BRCA1: variants seen among roughly 807,000 people sequenced by gnomAD.
BRCA1 encodes the protein breast cancer type 1 susceptibility protein.
In BRCA1, 140 loss-of-function variants were observed where a neutral mutation model predicts 173.7. The ratio of observed to expected loss-of-function variants is 0.81; its 90% confidence interval spans 0.70 to 0.93. The LOEUF (loss-of-function observed/expected upper bound fraction) is 0.93, where lower values mean the gene tolerates loss of function less well. Among genes scored for constraint, BRCA1 ranks in the 40% least tolerant of loss-of-function variants. The pLI is 0.00. For synonymous variants in BRCA1, 662 were observed against 756.0 expected (o/e 0.88, Z 2.04); for missense variants, 1,983 against 2,172.5 (o/e 0.91, Z 1.73).
chr17:43,060,844 G>T (rs1258458172), intron 18 of BRCA1, among the ~76,000 whole-genome samples: 1 of 152,074 alleles, frequency 6.6e-6, no homozygotes, highest in South Asian at 2.1e-4. Context: ...ACCAAGCTCT[G>T]GCCGGGCACA....
At chr17:43,154,061 C>A (rs1460285278) in intron 1 of BRCA1, among the ~76,000 whole-genome samples, 1 of 151,876 alleles carries the variant, frequency 6.6e-6, no homozygotes, top group East Asian at 1.9e-4. Flanking sequence ...GTGTCCCATG[C>A]CTGTGGTGCC....
intron 1 of BRCA1, among the ~76,000 whole-genome samples, chr17:43,152,638 A>G (rs2056169469): frequency 2.0e-5 from 3 of 152,086 alleles, no homozygotes; most frequent in Admixed American, 2.0e-4. Flanking sequence ...GCGGATCACA[A>G]GGTTAGGAGA....
intron 1 of BRCA1, chr17:43,163,234 T>G (rs188070489): frequency 6.6e-6 from 1 of 152,248 alleles, no homozygotes; most frequent in African/African-American, 2.4e-5. Context: ...TTTTGAGAGA[T>G]AGGCCACTGG....
intron 1 of BRCA1, among the ~76,000 whole-genome samples, chr17:43,136,703 A>T (rs1169553808): frequency 2.0e-5 from 3 of 152,248 alleles, no homozygotes; most frequent in Non-Finnish European, 4.4e-5. Flanking sequence ...ATCACTGGCC[A>T]TCAGAGACAT....
At chr17:43,057,228 G>A (rs895808286) in intron 18 of BRCA1, 93 bp from the exon 19 acceptor site, 6 of 1,278,444 alleles carry the variant, frequency 4.7e-6, no homozygotes, top group Non-Finnish European at 6.8e-6. Context: ...AAGGCATTCA[G>A]GCCAGGCGCA....
intron 1 of BRCA1, chr17:43,160,630 G>C (rs1597946400): frequency 6.6e-6 from 1 of 152,280 alleles, no homozygotes; most frequent in East Asian, 1.9e-4. Context: ...TCTGCTTGTG[G>C]ATTTCATTTC....
In BRCA1 at chr17:43,051,031, G is replaced by A. The variant is rs780795747; in HGVS notation, c.5332+32C>T. 3.1e-6 allele frequency: 5 copies of A among 1,601,782 alleles called. No homozygotes were observed. Among genetic ancestry groups the A allele is most frequent in the Non-Finnish European group, 3.4e-6 (4 of 1,168,778 alleles). On this transcript the variant is annotated intron_variant, in intron 20 of 22. Coordinates refer to ENST00000357654, the MANE Select transcript of BRCA1 (RefSeq NM_007294.4). ...TCCACTATGTAAGACAAAGGCTGGTGCTGGAACTCTGGGGTTCTCCCAGGC... is the reference window on the plus strand; with the variant it reads ...TCCACTATGTAAGACAAAGGCTGGTACTGGAACTCTGGGGTTCTCCCAGGC...
chr17:43,165,457 C>T (rs144609444), intron 1 of BRCA1, among the ~76,000 whole-genome samples: 1 of 147,272 alleles, frequency 6.8e-6, no homozygotes, highest in Non-Finnish European at 1.5e-5. Flanking sequence ...ATATATTTTA[C>T]TTTTCTTATA....
chr17:43,107,197 T>TG (rs2054832332), intron 3 of BRCA1, among the ~76,000 whole-genome samples: 1 of 151,216 alleles, frequency 6.6e-6, no homozygotes, highest in Non-Finnish European at 1.5e-5. Context: ...CCCGAGCAGC[T>TG]GGGACTACAG....
At chr17:43,115,686 A>G in intron 3 of BRCA1, 40 bp downstream of exon 3, 1 of 1,596,250 alleles carries the variant, frequency 6.3e-7, no homozygotes, top group African/African-American at 1.3e-5. Flanking sequence ...GGACAAAAAC[A>G]AAAGCTAATA....
chr17:43,117,367 T>C (rs2055343264), intron 2 of BRCA1, among the ~76,000 whole-genome samples: 1 of 152,160 alleles, frequency 6.6e-6, no homozygotes, highest in Non-Finnish European at 1.5e-5. Flanking sequence ...ACTTGAATCC[T>C]GGAGGTGGAG....
chr17:43,139,420 G>A (rs1288475184), intron 1 of BRCA1, among the ~76,000 whole-genome samples: 10 of 151,086 alleles, frequency 6.6e-5, no homozygotes, highest in African/African-American at 2.4e-4. Flanking sequence ...CTAGAGGCAC[G>A]ATCTCGGCTC....
chr17:43,045,230 C>T lies in BRCA1; in HGVS notation c.*448G>A. ...CACATAATCGATCCCAAGCACTCTC[C>T]TTCCATTGAAGGGTCTGACTCTCTG... On this transcript the variant is annotated 3_prime_UTR_variant, in exon 23 of 23. Coordinates refer to ENST00000357654, the MANE Select transcript of BRCA1 (RefSeq NM_007294.4). 1 of 539,820 alleles carries T rather than the reference C, an allele frequency of 1.9e-6. No homozygotes were observed. The highest frequency in any genetic ancestry group is 3.9e-5 in the East Asian group (1 of 25,952). The allele number at this position is 539,820 out of a possible 1,614,324, so 33.4% of individuals were successfully genotyped here.
chr17:43,107,147 C>T (rs1182248673), intron 3 of BRCA1, among the ~76,000 whole-genome samples: 1 of 148,484 alleles, frequency 6.7e-6, no homozygotes, highest in African/African-American at 2.5e-5. Context: ...TCACTGCAAG[C>T]TCCACCTCCT....
intron 1 of BRCA1, 191 bp downstream of exon 1, chr17:43,125,080 A>G (rs1322807294): frequency 7.0e-6 from 3 of 429,192 alleles, no homozygotes; most frequent in African/African-American, 4.4e-5. Flanking sequence ...CCCCTTCCTG[A>G]TCCTCAGCGC....
chr17:43,063,409 CAGA>C, intron 17 of BRCA1, 36 bp from the exon 18 acceptor site: 1 of 1,556,972 alleles, frequency 6.4e-7, no homozygotes, highest in South Asian at 1.1e-5. Flanking sequence ...TTACATACAG[CAGA>C]AGAACGTGCT....
rs140588714 is a variant in BRCA1 at position 43,091,727 on chromosome 17, A to G, written c.3804T>C (p.Asn1268=). 4.5e-5 allele frequency: 73 copies of G among 1,614,218 alleles called. No homozygotes were observed. In the African/African-American group the frequency reaches 7.5e-4, roughly 16 times the overall value. The change falls in exon 10 of 23, where the codon AAT becomes AAC. Residue 1268 remains asparagine, a synonymous_variant. Transcript: ENST00000357654. The part of the protein sequence containing the change: ...ENLLSLKNSL[N]DCSNQVILAK... ...CCAATATTACCTGGTTACTGCAGTCATTTAAGCTATTCTTCAATGATAATA... is the reference window on the plus strand; with the variant it reads ...CCAATATTACCTGGTTACTGCAGTCGTTTAAGCTATTCTTCAATGATAATA...
At chr17:43,118,579 G>T (rs1277956491) in intron 2 of BRCA1, among the ~76,000 whole-genome samples, 1 of 151,706 alleles carries the variant, frequency 6.6e-6, no homozygotes, top group East Asian at 1.9e-4. Flanking sequence ...GAGCCACCAT[G>T]CCAGCCATCT....
chr17:43,076,696 C>A, intron 12 of BRCA1, 82 bp from the exon 13 acceptor site: 1 of 1,527,436 alleles, frequency 6.5e-7, no homozygotes, highest in South Asian at 1.1e-5. Context: ...TGATTTTTTT[C>A]AAAAGCATCA....
Sources: allele counts gnomAD v4.1 joint callset (sites outside exome capture counted in the v4.1 genomes callset), GRCh38; gene constraint gnomAD v4.1.1; transcripts MANE v1.5; gene names NCBI Gene and HGNC (gene_info 2026-07-23, HGNC 2026-07-21).